Variants in SYNE1 observed in about 807,000 individuals in gnomAD.
SYNE1 encodes spectrin repeat containing nuclear envelope protein 1, also known as nesprin-1.
Under a neutral mutation model 1,111.0 loss-of-function variants are expected in SYNE1, and 616 were observed. The ratio of observed to expected loss-of-function variants is 0.55; its 90% confidence interval spans 0.52 to 0.59. The LOEUF (loss-of-function observed/expected upper bound fraction) is 0.59. SYNE1 is among the 20% of genes least tolerant of loss of function. The pLI is 0.00. For synonymous variants in SYNE1, 3,855 were observed against 3,825.8 expected (o/e 1.01, Z -0.28); for missense variants, 10,006 against 10,417.0 (o/e 0.96, Z 1.72).
intron 104 of SYNE1, among the ~76,000 whole-genome samples, chr6:152,252,500 C>T (rs2089626192): frequency 2.0e-5 from 3 of 152,060 alleles, no homozygotes; most frequent in South Asian, 2.1e-4. Context: ...ATGTAATGTA[C>T]ATCTACATAA....
chr6:152,252,298 A>AATAT (rs1262039621), intron 104 of SYNE1, among the ~76,000 whole-genome samples: 4 of 151,978 alleles, frequency 2.6e-5, no homozygotes, highest in Non-Finnish European at 5.9e-5. Context: ...TAAATAAATA[A>AATAT]ATAAATAATA....
intron 104 of SYNE1, among the ~76,000 whole-genome samples, chr6:152,253,937 A>AAAT (rs1246336894): frequency 2.7e-5 from 4 of 147,674 alleles, no homozygotes; most frequent in African/African-American, 9.9e-5. Flanking sequence ...TGTTGGTTAA[A>AAAT]AATAACATTC....
At chr6:152,156,954 A>G (rs1277939768) in intron 131 of SYNE1, among the ~76,000 whole-genome samples, 3 of 152,190 alleles carry the variant, frequency 2.0e-5, no homozygotes, top group East Asian at 3.9e-4. Flanking sequence ...CAGCCTCCCA[A>G]GTAGCTGGGA....
chr6:152,425,319 T>G (rs1174139178), intron 39 of SYNE1, 62 bp downstream of exon 39: 2 of 1,553,354 alleles, frequency 1.3e-6, no homozygotes, highest in Non-Finnish European at 1.8e-6. Context: ...CTTTCTTAAT[T>G]TATATGCTCA....
At chr6:152,276,210 T>A (rs2093619551) in intron 98 of SYNE1, among the ~76,000 whole-genome samples, 1 of 151,948 alleles carries the variant, frequency 6.6e-6, no homozygotes, top group African/African-American at 2.4e-5. Flanking sequence ...AATTTTTGTA[T>A]TTTTAGTAGA....
At chr6:152,224,775 G>A in intron 116 of SYNE1, 111 bp from the exon 117 acceptor site, 1 of 1,151,142 alleles carries the variant, frequency 8.7e-7, no homozygotes. Context: ...AGGGTTTCAG[G>A]TATCATAAAC....
At chr6:152,371,905 A>AAGGAAAGGAAAGGACAGGAC (rs2097194508) in intron 59 of SYNE1, among the ~76,000 whole-genome samples, 6 of 52,586 alleles carry the variant, frequency 1.1e-4, no homozygotes, top group African/African-American at 3.4e-4. Context: ...AAGGAAAGGA[A>AAGGAAAGGAAAGGACAGGAC]AGGAAAGGAA....
In SYNE1 at chr6:152,203,634, C is replaced by T. The variant is rs1192955301; in HGVS notation, c.23020-1685G>A. ...GATTATTTCTACTTCTCTCCTGACA[C>T]CTTAGTTTGAGCATAACAACCCAGA... is the stretch of plus-strand genomic sequence containing the variant. On this transcript the variant is annotated intron_variant, in intron 126 of 145. Coordinates refer to ENST00000367255, the MANE Select transcript of SYNE1 (RefSeq NM_182961.4). 2.6e-5 allele frequency among the ~76,000 whole-genome samples: 4 copies of T among 152,270 alleles called. No homozygotes were observed. In the East Asian group the frequency reaches 7.7e-4, roughly 29 times the overall value.
At chr6:152,130,122 C>T (rs1424022041) in intron 145 of SYNE1, among the ~76,000 whole-genome samples, 1 of 152,006 alleles carries the variant, frequency 6.6e-6, no homozygotes, top group Non-Finnish European at 1.5e-5. Context: ...AGTGAGCTTG[C>T]CAAGTGCCCG....
intron 145 of SYNE1, among the ~76,000 whole-genome samples, chr6:152,124,091 A>C (rs1023116489): frequency 2.0e-5 from 3 of 152,226 alleles, no homozygotes; most frequent in Non-Finnish European, 4.4e-5. Flanking sequence ...TGGGAGGCTG[A>C]GGTTGGCGGA....
At chr6:152,384,957 C>T (rs1046084346) in intron 55 of SYNE1, among the ~76,000 whole-genome samples, 2 of 151,468 alleles carry the variant, frequency 1.3e-5, no homozygotes, top group South Asian at 4.2e-4. Flanking sequence ...CTTTTATGTT[C>T]TGATCTTGGA....
intron 128 of SYNE1, among the ~76,000 whole-genome samples, chr6:152,187,464 G>A (rs1247353011): frequency 6.6e-6 from 1 of 152,056 alleles, no homozygotes; most frequent in Non-Finnish European, 1.5e-5. Flanking sequence ...AGCACAATTG[G>A]CAGGGACATA....
intron 132 of SYNE1, chr6:152,155,368 A>G (rs2061201330): frequency 2.8e-6 from 1 of 357,378 alleles, no homozygotes; most frequent in Admixed American, 4.3e-5. Flanking sequence ...TACAGTGTGC[A>G]CTCAGGCCAG....
At chr6:152,619,435 G>A (rs1364233580) in intron 3 of SYNE1, among the ~76,000 whole-genome samples, 1 of 151,812 alleles carries the variant, frequency 6.6e-6, no homozygotes, top group Non-Finnish European at 1.5e-5. Flanking sequence ...GTTCCATCCA[G>A]GTTTTCATGG....
At chr6:152,510,921 G>C in intron 7 of SYNE1, 90 bp downstream of exon 7, 1 of 1,174,060 alleles carries the variant, frequency 8.5e-7, no homozygotes, top group Non-Finnish European at 1.3e-6. Flanking sequence ...CAACCCCAAA[G>C]ATATGGCAAA....
At chr6:152,552,330 T>C (rs559245489) in intron 3 of SYNE1, among the ~76,000 whole-genome samples, 72 of 152,234 alleles carry the variant, frequency 4.7e-4, no homozygotes, top group Admixed American at 4.4e-3. Context: ...TTTTACATTT[T>C]CACATTTTGG....
At chr6:152,216,007 C>T (rs935964126) in intron 121 of SYNE1, among the ~76,000 whole-genome samples, 1 of 152,190 alleles carries the variant, frequency 6.6e-6, no homozygotes, top group Non-Finnish European at 1.5e-5. Context: ...TCCCTCCCTT[C>T]AAACACAGGA....
rs377181119 is a variant in SYNE1, at chr6:152,483,163, G to A, written c.1272C>T (p.Ala424=). The A allele has an allele frequency of 6.2e-7, 1 of 1,613,994 alleles. No homozygotes were observed. Among genetic ancestry groups the A allele is most frequent in the African/African-American group, 1.3e-5 (1 of 74,890 alleles). The change falls in exon 14 of 146, where the codon GCC becomes GCT. Residue 424 remains alanine (A), a synonymous_variant. Coordinates refer to ENST00000367255, the MANE Select transcript of SYNE1 (RefSeq NM_182961.4). ...GTTGAACGGTTATTTCCTCTCTCAG[G>A]GCCACCTCCGCTCTGTACAGCCAGG... The part of the protein sequence containing the change: ...IGAWLYRAEV[A]LREEITVQQV...
At chr6:152,617,700 T>C (rs959979806) in intron 3 of SYNE1, among the ~76,000 whole-genome samples, 2 of 152,192 alleles carry the variant, frequency 1.3e-5, no homozygotes, top group Admixed American at 6.5e-5. Context: ...CATAAACCCT[T>C]ACAGACTAAT....
Sources: allele counts gnomAD v4.1 joint callset (sites outside exome capture counted in the v4.1 genomes callset), GRCh38; gene constraint gnomAD v4.1.1; transcripts MANE v1.5; gene names NCBI Gene and HGNC (gene_info 2026-07-23, HGNC 2026-07-21).